The following ERICH1 variants were observed in gnomAD, a reference collection of about 807,000 sequenced individuals.
ERICH1 encodes glutamate-rich protein 1.
In ERICH1, 56 loss-of-function variants were observed where a neutral mutation model predicts 39.6. That is an observed-to-expected ratio of 1.41 (90% CI 1.14 to 1.77). The LOEUF is 1.77. Among genes scored for constraint, ERICH1 ranks in the 40% most tolerant of loss-of-function variants. ERICH1 has a pLI of 0.00. For synonymous variants in ERICH1, 313 were observed against 223.6 expected (o/e 1.40, Z -3.57); for missense variants, 826 against 575.4 (o/e 1.44, Z -4.45).
rs117269876 is a variant in ERICH1 at position 674,936 on chromosome 8, T to C, written c.305-889A>G. Among the ~76,000 whole-genome samples the C allele has an allele frequency of 1.9e-4, 29 of 152,274 alleles. No individual in the cohort carries two copies. The East Asian group carries it at 5.4e-3, about 28-fold the overall frequency. Reference sequence around the variant, plus strand: ...TCTGCTCATTTCCCTGGTGTAAATATTTCCCCCGTGGCCGATTTCAAACTA... The same window carrying C: ...TCTGCTCATTTCCCTGGTGTAAATACTTCCCCCGTGGCCGATTTCAAACTA... On this transcript the variant is annotated intron_variant, in intron 3 of 5. Transcript: ENST00000262109.
At chr8:654,600 T>A (rs973044702) in intron 3 of ERICH1, among the ~76,000 whole-genome samples, 1 of 152,150 alleles carries the variant, frequency 6.6e-6, no homozygotes, top group Non-Finnish European at 1.5e-5. Flanking sequence ...TGGATCCATA[T>A]TGGCAACTAT....
At chr8:685,716 G>C (rs1047803001) in intron 3 of ERICH1, among the ~76,000 whole-genome samples, 2 of 152,182 alleles carry the variant, frequency 1.3e-5, no homozygotes, top group Non-Finnish European at 2.9e-5. Context: ...TCCTGCAATA[G>C]GGGCATATTT....
intron 3 of ERICH1, among the ~76,000 whole-genome samples, chr8:619,771 G>A (rs1468583718): frequency 6.6e-6 from 1 of 152,136 alleles, no homozygotes; most frequent in Non-Finnish European, 1.5e-5. Flanking sequence ...AAACTATGTT[G>A]TATGAAGTCT....
chr8:706,387 A>G (rs1018379614), intron 2 of ERICH1, among the ~76,000 whole-genome samples: 1 of 152,246 alleles, frequency 6.6e-6, no homozygotes, highest in African/African-American at 2.4e-5. Context: ...TTCCACTTAC[A>G]ATAGCACCAA....
chr8:642,853 C>G lies in ERICH1; in HGVS notation c.976+25745G>C, dbSNP rs567379213. On this transcript the variant is annotated intron_variant, in intron 3 of 3. Coordinates refer to the ERICH1 transcript ENST00000522706. The stretch of plus-strand genomic sequence containing the variant: ...GGGGCTGGAAAATTGAGTGACATCT[C>G]TTGCCCTGGCACCTGTGGCAGGCAG... 5.9e-5 allele frequency among the ~76,000 whole-genome samples: 9 copies of G among 152,272 alleles called. No homozygotes were observed. In the East Asian group the frequency reaches 1.7e-3, roughly 30 times the overall value.
intron 1 of ERICH1, among the ~76,000 whole-genome samples, chr8:719,839 C>G (rs1468110038): frequency 7.9e-5 from 12 of 152,210 alleles, no homozygotes; most frequent in Admixed American, 7.9e-4. Context: ...TCCGGATATA[C>G]TTTGTTGCTC....
At chr8:659,924 G>A (rs941294181), downstream of ERICH1, among the ~76,000 whole-genome samples, 1 of 152,156 alleles carries the variant, frequency 6.6e-6, no homozygotes, top group East Asian at 1.9e-4. Flanking sequence ...CTGGCAGGCT[G>A]CTCCCTGTCT....
chr8:730,057 C>A (rs147074365), intron 1 of ERICH1, among the ~76,000 whole-genome samples: 16 of 152,294 alleles, frequency 1.1e-4, no homozygotes, highest in Non-Finnish European at 1.9e-4. Flanking sequence ...ACTGAATTCA[C>A]AGCCTGCCAG....
intron 3 of ERICH1, among the ~76,000 whole-genome samples, chr8:634,195 A>C (rs760283479): frequency 7.6e-4 from 113 of 148,040 alleles, no homozygotes; most frequent in Middle Eastern, 6.9e-3. Context: ...AACAAACAAA[A>C]AAAACCCTGA....
chr8:700,280 G>T (rs1303026755), intron 2 of ERICH1, among the ~76,000 whole-genome samples: 1 of 70,706 alleles, frequency 1.4e-5, no homozygotes, highest in Non-Finnish European at 3.0e-5. Context: ...CAGGCGCACA[G>T]ACCCGCACAG....
chr8:670,285 G>T (rs1438677909), intron 4 of ERICH1, among the ~76,000 whole-genome samples: 1 of 151,878 alleles, frequency 6.6e-6, no homozygotes, highest in African/African-American at 2.4e-5. Context: ...CTTATTTTAG[G>T]CTCCTTATCT....
Position 668,589 on chromosome 8 carries a change from G to T in ERICH1, c.1258+9C>A, listed in dbSNP as rs776471080. The T allele has an allele frequency of 2.5e-6, 4 of 1,614,058 alleles. No individual in the cohort carries two copies. The highest frequency in any genetic ancestry group is 3.4e-6 in the Non-Finnish European group (4 of 1,179,954). On this transcript the variant is annotated intron_variant, in intron 5 of 5. Coordinates refer to ENST00000262109, the MANE Select transcript of ERICH1 (RefSeq NM_207332.3). ...AAGCAGGACCTTGAATAAATCGTAC[G>T]GTACTTACCAGGAGGCATCGTGCAA... is the stretch of plus-strand genomic sequence containing the variant.
intron 3 of ERICH1, among the ~76,000 whole-genome samples, chr8:636,010 C>G (rs1425951164): frequency 2.6e-5 from 4 of 152,258 alleles, no homozygotes; most frequent in African/African-American, 9.6e-5. Context: ...AAAGCTGCAC[C>G]TTGCCAGGGC....
At chr8:657,507 C>A (rs1466547355) in intron 3 of ERICH1, among the ~76,000 whole-genome samples, 2 of 151,490 alleles carry the variant, frequency 1.3e-5, no homozygotes, top group Admixed American at 6.6e-5. Context: ...TCAAGTAGAA[C>A]TCACAGGGGC....
At chr8:636,112 ACT>A (rs1798414730) in intron 3 of ERICH1, among the ~76,000 whole-genome samples, 2 of 152,146 alleles carry the variant, frequency 1.3e-5, no homozygotes, top group South Asian at 2.1e-4. Context: ...TGTGGAAAAC[ACT>A]CAGCCTGGGG....
chr8:665,179 AT>A (rs1175651815), intron 5 of ERICH1, among the ~76,000 whole-genome samples: 1 of 147,234 alleles, frequency 6.8e-6, no homozygotes, highest in East Asian at 2.2e-4. Flanking sequence ...CACAATCGCG[AT>A]GCCACAATCG....
chr8:723,561 A>G (rs10094564), intron 1 of ERICH1, among the ~76,000 whole-genome samples: 74,231 of 152,054 alleles, frequency 0.49, 18,271 homozygotes, highest in East Asian at 0.56. Flanking sequence ...CACACAAACC[A>G]CATTATTTCA....
At chr8:681,233 G>A (rs1398315952) in intron 3 of ERICH1, among the ~76,000 whole-genome samples, 1 of 152,184 alleles carries the variant, frequency 6.6e-6, no homozygotes, top group Non-Finnish European at 1.5e-5. Context: ...CCAGCCTGAG[G>A]AGGCTGAGTC....
At chr8:701,450 G>A (rs972518088) in intron 2 of ERICH1, among the ~76,000 whole-genome samples, 3 of 152,240 alleles carry the variant, frequency 2.0e-5, no homozygotes, top group Admixed American at 6.5e-5. Flanking sequence ...ATGGGAACAC[G>A]CCGTAGGATG....
Sources: gnomAD v4.1 joint callset for allele counts (sites outside exome capture counted in the v4.1 genomes callset) on GRCh38, gnomAD v4.1.1 for gene constraint, MANE v1.5 for transcripts, NCBI Gene and HGNC (gene_info 2026-07-23, HGNC 2026-07-21) for gene names.